Variants in KCNAB1 observed in about 807,000 individuals in gnomAD.
KCNAB1 encodes the protein potassium voltage-gated channel subfamily A regulatory beta subunit 1.
Under a neutral mutation model 64.6 loss-of-function variants are expected in KCNAB1, and 35 were observed. The observed-to-expected ratio is 0.54, with a 90% CI of 0.41 to 0.72. The LOEUF is 0.72. Among genes scored for constraint, KCNAB1 ranks in the 30% least tolerant of loss-of-function variants. The pLI is 0.00. For synonymous variants in KCNAB1, 177 were observed against 183.8 expected, an observed-to-expected ratio of 0.96 and a Z score of 0.30; for missense variants, 401 against 512.9, an observed-to-expected ratio of 0.78 and a Z score of 2.11.
chr3:156,307,133 G>A (rs192599499), intron 1 of KCNAB1, among the ~76,000 whole-genome samples: 6 of 152,206 alleles, frequency 3.9e-5, no homozygotes, highest in East Asian at 3.9e-4. Flanking sequence ...AACTTGCTTC[G>A]TGTACATTTT....
intron 1 of KCNAB1, among the ~76,000 whole-genome samples, chr3:156,242,032 T>C (rs761763190): frequency 2.0e-5 from 3 of 152,168 alleles, no homozygotes; most frequent in Non-Finnish European, 4.4e-5. Flanking sequence ...TTTGGCCTGT[T>C]GTTGTTGTTT....
intron 1 of KCNAB1, among the ~76,000 whole-genome samples, chr3:156,285,069 G>T (rs539969351): frequency 6.6e-6 from 1 of 152,198 alleles, no homozygotes; most frequent in Non-Finnish European, 1.5e-5. Context: ...GGGAGGCAGC[G>T]TGAGTTTAAA....
At chr3:156,296,471 C>G (rs199669896) in intron 1 of KCNAB1, among the ~76,000 whole-genome samples, 3 of 129,522 alleles carry the variant, frequency 2.3e-5, no homozygotes, top group East Asian at 2.2e-4. Flanking sequence ...TCCCCCCCCC[C>G]CCACCTTTTT....
At chr3:156,222,698 A>G (rs762967737) in intron 1 of KCNAB1, among the ~76,000 whole-genome samples, 1 of 152,250 alleles carries the variant, frequency 6.6e-6, no homozygotes, top group Non-Finnish European at 1.5e-5. Context: ...AAGTCTCAGC[A>G]AATTTAAGAA....
At chr3:156,430,085 G>A (rs184496055) in intron 2 of KCNAB1, among the ~76,000 whole-genome samples, 2 of 152,314 alleles carry the variant, frequency 1.3e-5, no homozygotes, top group East Asian at 1.9e-4. Context: ...AAGAATTGCT[G>A]ACAAAAAGAA....
intron 1 of KCNAB1, among the ~76,000 whole-genome samples, chr3:156,262,655 G>A (rs776500158): frequency 1.3e-5 from 2 of 151,714 alleles, no homozygotes; most frequent in African/African-American, 4.8e-5. Flanking sequence ...TGGTATCTTT[G>A]TGTTGTTTTG....
chr3:156,137,013 A>AT (rs1319864153), intron 1 of KCNAB1, among the ~76,000 whole-genome samples: 1 of 151,094 alleles, frequency 6.6e-6, no homozygotes, highest in African/African-American at 2.4e-5. Flanking sequence ...AAATACGCTC[A>AT]TTTTTTTCTT....
chr3:156,206,082 A>C (rs934470855), intron 1 of KCNAB1, among the ~76,000 whole-genome samples: 1 of 152,114 alleles, frequency 6.6e-6, no homozygotes, highest in Non-Finnish European at 1.5e-5. Flanking sequence ...CCATTTGGGG[A>C]GTTTGCACTC....
intron 1 of KCNAB1, among the ~76,000 whole-genome samples, chr3:156,293,306 G>T (rs1283261306): frequency 6.6e-6 from 1 of 152,140 alleles, no homozygotes; most frequent in Non-Finnish European, 1.5e-5. Flanking sequence ...AAAAAACTTT[G>T]GTTACTTCAG....
intron 1 of KCNAB1, among the ~76,000 whole-genome samples, chr3:156,370,483 C>G (rs1312717589): frequency 6.6e-6 from 1 of 152,130 alleles, no homozygotes; most frequent in Non-Finnish European, 1.5e-5. Context: ...TAAAATTAAG[C>G]CTTCAGAGAA....
intron 1 of KCNAB1, among the ~76,000 whole-genome samples, chr3:156,175,267 A>T (rs1251251481): frequency 6.6e-6 from 1 of 152,176 alleles, no homozygotes; most frequent in Non-Finnish European, 1.5e-5. Context: ...CAACCAGCAA[A>T]TTTGTCACAT....
chr3:156,216,465 T>C (rs1394799525), intron 1 of KCNAB1, among the ~76,000 whole-genome samples: 3 of 152,204 alleles, frequency 2.0e-5, no homozygotes, highest in African/African-American at 7.2e-5. Context: ...GCCTAAATGT[T>C]TTGTGAACAG....
chr3:156,236,084 A>C (rs1393561524), intron 1 of KCNAB1, among the ~76,000 whole-genome samples: 4 of 152,226 alleles, frequency 2.6e-5, no homozygotes, highest in African/African-American at 9.6e-5. Flanking sequence ...AATTTAAAAA[A>C]TATAATAACA....
intron 1 of KCNAB1, among the ~76,000 whole-genome samples, chr3:156,398,177 T>C (rs933655048): frequency 6.6e-6 from 1 of 151,982 alleles, no homozygotes; most frequent in Non-Finnish European, 1.5e-5. Context: ...AAGTGAGAGT[T>C]AAACAATGAG....
chr3:156,467,136 A>C (rs1366521462), intron 7 of KCNAB1, among the ~76,000 whole-genome samples: 1 of 152,170 alleles, frequency 6.6e-6, no homozygotes, highest in African/African-American at 2.4e-5. Context: ...ATTTTATAAT[A>C]AAGGCTATTT....
At chr3:156,305,489 C>T (rs1014353669) in intron 1 of KCNAB1, among the ~76,000 whole-genome samples, 36 of 152,160 alleles carry the variant, frequency 2.4e-4, no homozygotes, top group African/African-American at 8.7e-4. Context: ...GCTTAATTCT[C>T]TATGAGACTT....
chr3:156,209,956 A>T (rs1263089202), intron 1 of KCNAB1, among the ~76,000 whole-genome samples: 2 of 152,226 alleles, frequency 1.3e-5, no homozygotes, highest in Admixed American at 6.5e-5. Flanking sequence ...TTCTTGAAAA[A>T]AAGATCTTTA....
intron 1 of KCNAB1, among the ~76,000 whole-genome samples, chr3:156,378,916 G>A (rs1711937529): frequency 6.6e-6 from 1 of 152,188 alleles, no homozygotes; most frequent in Non-Finnish European, 1.5e-5. Flanking sequence ...ATGTCCCCCA[G>A]TGCCTCAAGC....
intron 5 of KCNAB1, chr3:156,460,173 G>A: frequency 3.3e-6 from 1 of 300,654 alleles, no homozygotes; most frequent in South Asian, 7.2e-5. Context: ...TGCCATTTGT[G>A]CTAATCTCTT....
Sources: gnomAD v4.1 joint callset for allele counts (sites outside exome capture counted in the v4.1 genomes callset) on GRCh38, gnomAD v4.1.1 for gene constraint, MANE v1.5 for transcripts, NCBI Gene and HGNC (gene_info 2026-07-23, HGNC 2026-07-21) for gene names.